GPC6: variants seen among roughly 807,000 people sequenced by gnomAD.
GPC6 encodes glypican-6.
In GPC6, 14 loss-of-function variants were observed where a neutral mutation model predicts 55.2. The observed-to-expected ratio is 0.25, with a 90% CI of 0.17 to 0.40. The LOEUF is 0.40. GPC6 is among the 10% of genes least tolerant of loss of function. The pLI, the probability that GPC6 is intolerant of heterozygous loss-of-function variation, is 1.00. For missense variants in GPC6, 641 were observed against 708.5 expected (o/e 0.90, Z 1.08); for synonymous variants, 278 against 259.6 (o/e 1.07, Z -0.68).
chr13:94,138,389 A>G (rs1887259784), intron 4 of GPC6, among the ~76,000 whole-genome samples: 1 of 152,206 alleles, frequency 6.6e-6, no homozygotes, highest in Non-Finnish European at 1.5e-5. Context: ...ATTTATCTTT[A>G]TATCTCAAAG....
chr13:94,258,417 C>T (rs553462240), intron 4 of GPC6, among the ~76,000 whole-genome samples: 136 of 152,276 alleles, frequency 8.9e-4, no homozygotes, highest in African/African-American at 2.0e-3. Flanking sequence ...GTTGAATTAC[C>T]ATGTGCTACC....
chr13:94,177,229 T>C (rs1293068322), intron 4 of GPC6, among the ~76,000 whole-genome samples: 1 of 152,144 alleles, frequency 6.6e-6, no homozygotes, highest in Admixed American at 6.5e-5. Context: ...ATGTAAATTT[T>C]TTAGGTAAAC....
intron 4 of GPC6, among the ~76,000 whole-genome samples, chr13:94,052,655 G>A (rs1260506426): frequency 6.6e-6 from 1 of 151,996 alleles, no homozygotes; most frequent in African/African-American, 2.4e-5. Context: ...AGTCTGTACC[G>A]ATTTGTACAC....
intron 3 of GPC6, among the ~76,000 whole-genome samples, chr13:93,887,978 C>A (rs574388042): frequency 1.3e-5 from 2 of 152,210 alleles, no homozygotes; most frequent in Non-Finnish European, 2.9e-5. Context: ...CATCTGGGGT[C>A]CACTCCATAG....
At chr13:93,826,140 A>G (rs1029523749) in intron 2 of GPC6, among the ~76,000 whole-genome samples, 2 of 152,026 alleles carry the variant, frequency 1.3e-5, no homozygotes, top group African/African-American at 4.8e-5. Context: ...GATTACAGGC[A>G]TGAGCCACTG....
intron 2 of GPC6, among the ~76,000 whole-genome samples, chr13:93,556,416 A>G (rs1185622410): frequency 4.1e-5 from 6 of 146,276 alleles, no homozygotes; most frequent in Non-Finnish European, 9.0e-5. Flanking sequence ...ATGTATATAT[A>G]TATATATATA....
intron 2 of GPC6, among the ~76,000 whole-genome samples, chr13:93,586,880 A>G (rs183357396): frequency 5.8e-4 from 88 of 152,288 alleles, no homozygotes; most frequent in African/African-American, 1.9e-3. Context: ...ATTCTGTGAA[A>G]TAGACATATA....
At chr13:93,741,276 G>C (rs1010191874) in intron 2 of GPC6, among the ~76,000 whole-genome samples, 1 of 151,260 alleles carries the variant, frequency 6.6e-6, no homozygotes, top group Non-Finnish European at 1.5e-5. Context: ...CACCACACCC[G>C]GCTAATATTT....
chr13:93,888,114 G>C (rs185630656), intron 3 of GPC6, among the ~76,000 whole-genome samples: 136 of 152,210 alleles, frequency 8.9e-4, no homozygotes, highest in Middle Eastern at 3.4e-3. Context: ...TTGGTTTTAG[G>C]TATTTCAAAA....
At chr13:94,271,036 C>T (rs1000954755) in intron 4 of GPC6, among the ~76,000 whole-genome samples, 9 of 121,116 alleles carry the variant, frequency 7.4e-5, no homozygotes, top group African/African-American at 1.9e-4. Flanking sequence ...GTCGCCCAGG[C>T]TGGAGTGCAG....
chr13:94,365,760 T>C (rs1377867243), intron 6 of GPC6, among the ~76,000 whole-genome samples: 2 of 152,218 alleles, frequency 1.3e-5, no homozygotes, highest in Non-Finnish European at 2.9e-5. Flanking sequence ...TTACGTAAGA[T>C]AAGTAAGATA....
chr13:94,271,380 GCGCACACACACA>G (rs1323871310), intron 4 of GPC6, among the ~76,000 whole-genome samples: 2 of 112,504 alleles, frequency 1.8e-5, no homozygotes, highest in African/African-American at 5.7e-5. Context: ...GCGCGCGCGC[GCGCACACACACA>G]CACACACACA....
chr13:94,271,945 T>G (rs1892041292), intron 4 of GPC6, among the ~76,000 whole-genome samples: 1 of 152,158 alleles, frequency 6.6e-6, no homozygotes, highest in Non-Finnish European at 1.5e-5. Flanking sequence ...AAAATGAGTT[T>G]TTTCATTTTT....
At chr13:94,220,661 A>G (rs969857557) in intron 4 of GPC6, among the ~76,000 whole-genome samples, 1 of 152,088 alleles carries the variant, frequency 6.6e-6, no homozygotes, top group African/African-American at 2.4e-5. Context: ...TGCTCTCTCT[A>G]GAGGTAGTAG....
At chr13:93,364,153 G>C (rs1421182356) in intron 1 of GPC6, among the ~76,000 whole-genome samples, 1 of 152,016 alleles carries the variant, frequency 6.6e-6, no homozygotes, top group East Asian at 1.9e-4. Context: ...GATCCCATTT[G>C]TCAATTTTGG....
chr13:93,496,704 C>T (rs2139366072), intron 1 of GPC6, among the ~76,000 whole-genome samples: 1 of 152,232 alleles, frequency 6.6e-6, no homozygotes, highest in South Asian at 2.1e-4. Context: ...GCTCTGTGAC[C>T]TTGGGCAACT....
At chr13:94,242,693 A>C (rs1891090416) in intron 4 of GPC6, among the ~76,000 whole-genome samples, 1 of 152,144 alleles carries the variant, frequency 6.6e-6, no homozygotes, top group Admixed American at 6.6e-5. Context: ...AGTCAAGACT[A>C]AAATGAGTGA....
intron 2 of GPC6, among the ~76,000 whole-genome samples, chr13:93,674,124 A>G (rs1881482989): frequency 1.3e-5 from 2 of 152,142 alleles, no homozygotes; most frequent in Admixed American, 6.6e-5. Context: ...GAAGCAATGA[A>G]ACACTGTGTT....
At chr13:93,579,404 A>G (rs1050320905) in intron 2 of GPC6, among the ~76,000 whole-genome samples, 4 of 152,102 alleles carry the variant, frequency 2.6e-5, no homozygotes, top group African/African-American at 2.4e-5. Context: ...AATTTTAAAA[A>G]TAGCTCAGAA....
Sources: allele counts gnomAD v4.1 joint callset (sites outside exome capture counted in the v4.1 genomes callset), GRCh38; gene constraint gnomAD v4.1.1; transcripts MANE v1.5; gene names NCBI Gene and HGNC (gene_info 2026-07-23, HGNC 2026-07-21).